Variants in RAPGEF6 observed in about 807,000 individuals in gnomAD.
RAPGEF6 encodes Rap guanine nucleotide exchange factor 6, also known as PDZ domain containing guanine nucleotide exchange factor (GEF) 2.
RAPGEF6 carries 56 observed loss-of-function variants against 171.4 expected under a neutral mutation model. That is an observed-to-expected ratio of 0.33 (90% confidence interval 0.26 to 0.41). The LOEUF (loss-of-function observed/expected upper bound fraction) is 0.41, where lower values mean the gene tolerates loss of function less well. Among genes scored for constraint, RAPGEF6 ranks in the 10% least tolerant of loss-of-function variants. The probability of loss-of-function intolerance (pLI) is 1.00; values close to 1 mark genes in which losing one functional copy is unlikely to be tolerated. For missense variants in RAPGEF6, 1,674 were observed against 1,921.4 expected (o/e 0.87, Z 2.41); for synonymous variants, 692 against 650.1 (o/e 1.06, Z -0.98).
intron 7 of RAPGEF6, among the ~76,000 whole-genome samples, chr5:131,518,894 T>C (rs1170449547): frequency 1.3e-5 from 2 of 152,192 alleles, no homozygotes; most frequent in East Asian, 1.9e-4. Flanking sequence ...CCCACTTTTA[T>C]TGGTTAATTT....
In RAPGEF6 at chr5:131,579,470, C is replaced by G. The variant is rs142272334; in HGVS notation, c.281+12913G>C. On this transcript the variant is annotated intron_variant, in intron 4 of 27. Coordinates refer to ENST00000509018, the MANE Select transcript of RAPGEF6 (RefSeq NM_016340.6). ...GCTGATTAGTCCATTTTACAGAGAG[C>G]TGATTGGTCCGTTTTGACAGGGTGC... Among the ~76,000 whole-genome samples the G allele has an allele frequency of 2.7e-3, 406 of 152,318 alleles. 1 individual carries two copies. Among genetic ancestry groups the G allele is most frequent in the African/African-American group, 9.4e-3 (389 of 41,564 alleles).
At chr5:131,596,663 G>C (rs939401813) in intron 3 of RAPGEF6, among the ~76,000 whole-genome samples, 4 of 152,092 alleles carry the variant, frequency 2.6e-5, no homozygotes, top group African/African-American at 7.2e-5. Flanking sequence ...AGGTGCCAAA[G>C]ACACTTAGAA....
At chr5:131,604,736 C>A (rs1764448386) in intron 1 of RAPGEF6, 43 bp from the exon 2 acceptor site, 1 of 1,559,810 alleles carries the variant, frequency 6.4e-7, no homozygotes, top group Non-Finnish European at 8.7e-7. Context: ...TTCAAATATG[C>A]TGTTTAAAAT....
intron 1 of RAPGEF6, among the ~76,000 whole-genome samples, chr5:131,622,052 A>G (rs183595196): frequency 6.6e-6 from 1 of 152,278 alleles, no homozygotes; most frequent in Admixed American, 6.5e-5. Context: ...CTTAATATTT[A>G]CCGCACAAAT....
intron 6 of RAPGEF6, among the ~76,000 whole-genome samples, chr5:131,526,904 T>C (rs1346433523): frequency 6.6e-6 from 1 of 152,110 alleles, no homozygotes; most frequent in African/African-American, 2.4e-5. Flanking sequence ...ACAGACATTA[T>C]GAAGTTACAA....
At chr5:131,631,877 C>T (rs1766328732) in intron 1 of RAPGEF6, among the ~76,000 whole-genome samples, 1 of 152,056 alleles carries the variant, frequency 6.6e-6, no homozygotes, top group Non-Finnish European at 1.5e-5. Context: ...GAGATTGAGG[C>T]CATCCTGGCT....
Position 131,508,062 on chromosome 5 carries a change from T to G in RAPGEF6, c.942+9A>C, listed in dbSNP as rs754951650. On this transcript the variant is annotated intron_variant, in intron 9 of 27. Transcript: ENST00000509018. ...ATAATAAATGTATGTAATTTATTTA[T>G]TGACCTACCTCTTGCCCATCTTCAA... 5.7e-6 allele frequency: 9 copies of G among 1,577,276 alleles called. No individual in the cohort carries two copies. Among genetic ancestry groups the G allele is most frequent in the Non-Finnish European group, 7.7e-6 (9 of 1,162,424 alleles).
At chr5:131,616,562 T>G (rs114035437) in intron 1 of RAPGEF6, among the ~76,000 whole-genome samples, 42 of 152,210 alleles carry the variant, frequency 2.8e-4, no homozygotes, top group African/African-American at 9.9e-4. Context: ...CTTAAAAAAT[T>G]TTTGCATTTT....
intron 21 of RAPGEF6, among the ~76,000 whole-genome samples, chr5:131,451,202 A>C (rs891950061): frequency 1.3e-5 from 2 of 152,174 alleles, no homozygotes; most frequent in African/African-American, 4.8e-5. Context: ...GATGTGCAGG[A>C]AAGAGGAGAT....
At position 131,489,621 on chromosome 5, in the gene RAPGEF6, T is replaced by G. The variant is rs1756148661; in HGVS notation, c.1765A>C (p.Ile589Leu). 1 of 1,594,120 alleles carries G rather than the reference T, an allele frequency of 6.3e-7. No homozygotes were observed. The highest frequency in any genetic ancestry group is 8.6e-7 in the Non-Finnish European group (1 of 1,167,888). The change falls in exon 15 of 28, where the codon ATT (isoleucine) becomes CTT (leucine). Residue 589 changes from isoleucine (I) to leucine (L), a missense_variant. By Grantham distance (5) the Ile-to-Leu change is conservative. Coordinates refer to ENST00000509018, the MANE Select transcript of RAPGEF6 (RefSeq NM_016340.6). Reference sequence around the variant, plus strand: ...ATTTCAACGGCTTTCATAAATGTAATATTCTCAAAGTTTTGTCCATTTACT... The same window carrying G: ...ATTTCAACGGCTTTCATAAATGTAAGATTCTCAAAGTTTTGTCCATTTACT... ...MEVNGQNFEN[I>L]TFMKAVEILR...
At chr5:131,489,868 T>G (rs1580906730) in intron 14 of RAPGEF6, among the ~76,000 whole-genome samples, 1 of 152,006 alleles carries the variant, frequency 6.6e-6, no homozygotes, top group East Asian at 1.9e-4. Flanking sequence ...TTTTTTTTTT[T>G]GACAGTTAAT....
intron 3 of RAPGEF6, among the ~76,000 whole-genome samples, chr5:131,600,576 A>T (rs1005222034): frequency 1.5e-4 from 18 of 118,790 alleles, no homozygotes; most frequent in Non-Finnish European, 2.7e-4. Flanking sequence ...GAGGGAAAAG[A>T]GAGGAGAGGA....
At chr5:131,467,124 T>A (rs1754409486) in intron 17 of RAPGEF6, among the ~76,000 whole-genome samples, 2 of 152,352 alleles carry the variant, frequency 1.3e-5, no homozygotes, top group South Asian at 4.1e-4. Context: ...AAAGACAGGG[T>A]GGGAATTTGT....
At chr5:131,620,425 C>A (rs1381947957) in intron 1 of RAPGEF6, among the ~76,000 whole-genome samples, 3 of 152,204 alleles carry the variant, frequency 2.0e-5, no homozygotes, top group Non-Finnish European at 4.4e-5. Context: ...ATTACTGGTT[C>A]CCTAATTTAG....
chr5:131,527,516 C>T (rs986613612), intron 6 of RAPGEF6, among the ~76,000 whole-genome samples: 25 of 152,104 alleles, frequency 1.6e-4, no homozygotes, highest in Non-Finnish European at 3.4e-4. Context: ...GGAGTAGCCA[C>T]TTTGGGGAGC....
chr5:131,566,955 G>A (rs781144225), intron 4 of RAPGEF6, among the ~76,000 whole-genome samples: 4 of 151,870 alleles, frequency 2.6e-5, no homozygotes, highest in South Asian at 2.1e-4. Context: ...TTATCTGGGC[G>A]TGGTGGTATG....
chr5:131,429,095 A>G lies in RAPGEF6; in HGVS notation c.4587T>C (p.Pro1529=), dbSNP rs772396727. The part of the protein sequence containing the change: ...LKEGPHTHLK[P]PDYSVAVQRS... ...TCTGCACTGCCACACTATAATCTGG[A>G]GGTTTTAGGTGTGTGTGGGGTCCTT... The change falls in exon 27 of 28, where the codon CCT becomes CCC. Residue 1529 remains proline (P), a synonymous_variant. Coordinates refer to ENST00000509018, the MANE Select transcript of RAPGEF6 (RefSeq NM_016340.6). The G allele has an allele frequency of 2.5e-6, 4 of 1,614,142 alleles. No individual in the cohort carries two copies. Among genetic ancestry groups the G allele is most frequent in the Non-Finnish European group, 3.4e-6 (4 of 1,180,022 alleles).
At chr5:131,599,938 C>G (rs1764128612) in intron 3 of RAPGEF6, among the ~76,000 whole-genome samples, 1 of 152,176 alleles carries the variant, frequency 6.6e-6, no homozygotes. Context: ...GTAAAAAGTT[C>G]ATGGATAAAG....
chr5:131,513,737 A>G (rs1184120246), intron 7 of RAPGEF6, among the ~76,000 whole-genome samples: 5 of 152,184 alleles, frequency 3.3e-5, no homozygotes, highest in Non-Finnish European at 5.9e-5. Flanking sequence ...GCCAGGCACA[A>G]TGGCTCCTGC....
Sources: gnomAD v4.1 joint callset for allele counts (sites outside exome capture counted in the v4.1 genomes callset) on GRCh38, gnomAD v4.1.1 for gene constraint, MANE v1.5 for transcripts, NCBI Gene and HGNC (gene_info 2026-07-23, HGNC 2026-07-21) for gene names.